The following ZNF469 variants were observed in gnomAD, a reference collection of about 807,000 sequenced individuals.
ZNF469 encodes zinc finger protein 469.
In ZNF469, 1 loss-of-function variant was observed where a neutral mutation model predicts 1.0. That is an observed-to-expected ratio of 1.00 (90% CI 0.35 to 4.73). ZNF469 has a LOEUF of 4.73. Among genes scored for constraint, ZNF469 ranks in the 30% most tolerant of loss-of-function variants. The pLI is 0.16. For missense variants in ZNF469, 6,100 were observed against 5,356.3 expected, an observed-to-expected ratio of 1.14 and a Z score of -4.33; for synonymous variants, 2,703 against 2,363.4, an observed-to-expected ratio of 1.14 and a Z score of -4.17.
At chr16:88,322,051 A>G in the ZNF469 span, among the ~76,000 whole-genome samples, 3 of 152,192 alleles carry the variant, frequency 2.0e-5, no homozygotes, top group Non-Finnish European at 4.4e-5. Flanking sequence ...AGGCCTCACT[A>G]TTGGAAATGG....
chr16:88,270,974 A>G, the ZNF469 span, among the ~76,000 whole-genome samples: 1 of 152,178 alleles, frequency 6.6e-6, no homozygotes, highest in Non-Finnish European at 1.5e-5. Flanking sequence ...CTGAGGATTC[A>G]CGGCCGGTCC....
At chr16:88,311,287 C>T in the ZNF469 span, among the ~76,000 whole-genome samples, 1 of 152,216 alleles carries the variant, frequency 6.6e-6, no homozygotes, top group Admixed American at 6.5e-5. Context: ...TGAGGCCTCA[C>T]TCTTTTTAAA....
chr16:88,432,818 C>T lies in ZNF469; in HGVS notation c.5348C>T (p.Ala1783Val), dbSNP rs1906295537. The T allele has an allele frequency of 6.5e-7, 1 of 1,550,284 alleles. No homozygotes were observed. The highest frequency in any genetic ancestry group is 8.7e-7 in the Non-Finnish European group (1 of 1,146,966). Residue 1783 changes from alanine (A) to valine (V), a missense_variant, in exon 3 of 3, where the codon GCA (alanine) becomes GTA (valine). By Grantham distance (64) the Ala-to-Val change is moderately conservative. Coordinates refer to ENST00000565624, the MANE Select transcript of ZNF469 (RefSeq NM_001367624.2). Reference sequence around the variant, plus strand: ...GGGTTCCTCCCAGAGCCCGGCACAGCAGACCAGCCCCACCGAGGGGCCCCT... The same window carrying T: ...GGGTTCCTCCCAGAGCCCGGCACAGTAGACCAGCCCCACCGAGGGGCCCCT... ...RGGFLPEPGT[A>V]DQPHRGAPAP...
chr16:88,169,098 T>G, the ZNF469 span, among the ~76,000 whole-genome samples: 1 of 151,904 alleles, frequency 6.6e-6, no homozygotes, highest in African/African-American at 2.4e-5. The surrounding 1 kb of genome is among the most constrained non-coding windows in gnomAD (Gnocchi z 6.1). Context: ...CGGAAGTGTG[T>G]GCAGCTGTGG....
At chr16:88,212,358 C>A in the ZNF469 span, among the ~76,000 whole-genome samples, 3 of 152,126 alleles carry the variant, frequency 2.0e-5, no homozygotes, top group Admixed American at 6.6e-5. Flanking sequence ...TGTCTCTTCT[C>A]CTTTCTTCTG....
chr16:88,267,848 T>C, the ZNF469 span, among the ~76,000 whole-genome samples: 1 of 152,158 alleles, frequency 6.6e-6, no homozygotes, highest in African/African-American at 2.4e-5. Flanking sequence ...TTCACTCACA[T>C]AGATTCCTTG....
intron 1 of ZNF469, among the ~76,000 whole-genome samples, chr16:88,420,889 G>A (rs1437455949): frequency 1.3e-5 from 2 of 152,236 alleles, no homozygotes; most frequent in African/African-American, 4.8e-5. Flanking sequence ...TCAAGCCCAG[G>A]TGGGGCTGGC....
the ZNF469 span, among the ~76,000 whole-genome samples, chr16:88,141,857 G>A: frequency 0.56 from 84,664 of 152,028 alleles, 28,064 homozygotes; most frequent in Non-Finnish European, 0.76. Flanking sequence ...TCTTCCCTGC[G>A]CCTCCAGAAG....
chr16:88,135,087 G>T, the ZNF469 span, among the ~76,000 whole-genome samples: 1 of 152,236 alleles, frequency 6.6e-6, no homozygotes, highest in East Asian at 1.9e-4. Context: ...GGCAGAAGGG[G>T]CTCCTGACCA....
chr16:88,208,385 G>A, the ZNF469 span, among the ~76,000 whole-genome samples: 14 of 149,784 alleles, frequency 9.3e-5, no homozygotes, highest in African/African-American at 2.7e-4. Context: ...AAACCAAGAC[G>A]TGGGTGCTAG....
the ZNF469 span, among the ~76,000 whole-genome samples, chr16:88,305,629 C>T: frequency 6.6e-6 from 1 of 152,014 alleles, no homozygotes; most frequent in Non-Finnish European, 1.5e-5. Flanking sequence ...CACGTGCACA[C>T]ACATTCTCAC....
chr16:88,404,379 C>T (rs1400858134), intron 1 of ZNF469, among the ~76,000 whole-genome samples: 1 of 152,224 alleles, frequency 6.6e-6, no homozygotes, highest in Non-Finnish European at 1.5e-5. Flanking sequence ...GCCGGCGGTG[C>T]GTGTGCTGTT....
the ZNF469 span, among the ~76,000 whole-genome samples, chr16:88,146,181 C>T: frequency 2.6e-5 from 4 of 152,296 alleles, no homozygotes; most frequent in Admixed American, 1.3e-4. Context: ...CATGCACCAG[C>T]GGCACCACGA....
chr16:88,275,267 C>A, the ZNF469 span, among the ~76,000 whole-genome samples: 1 of 152,228 alleles, frequency 6.6e-6, no homozygotes, highest in Non-Finnish European at 1.5e-5. Context: ...GGAGGCCGAA[C>A]AGTGGATCCC....
chr16:88,132,425 G>A, the ZNF469 span, among the ~76,000 whole-genome samples: 45 of 152,326 alleles, frequency 3.0e-4, no homozygotes, highest in African/African-American at 1.0e-3. Context: ...CCGCGTAGCC[G>A]GCGGGGCTGG....
At chr16:88,250,435 A>G in the ZNF469 span, among the ~76,000 whole-genome samples, 1 of 152,208 alleles carries the variant, frequency 6.6e-6, no homozygotes, top group Admixed American at 6.5e-5. Context: ...AATATAAAAC[A>G]GTTTGTTTAT....
At chr16:88,410,553 G>A (rs1012842171) in intron 1 of ZNF469, among the ~76,000 whole-genome samples, 6 of 147,900 alleles carry the variant, frequency 4.1e-5, no homozygotes, top group Admixed American at 6.8e-5. Flanking sequence ...CACAGTTCAC[G>A]GTGACGTCTA....
At position 88,438,817 on chromosome 16, in the gene ZNF469, C is replaced by T. The variant is rs1224593401; in HGVS notation, c.11347C>T (p.Arg3783Ter). ...RSPAPERLPA[R>*]AQAKSCTKGP... ...CCCTGCACCAGAGAGGCTCCCCGCT[C>T]GAGCCCAAGCCAAGAGCTGCACCAA... The change falls in exon 3 of 3, where the codon CGA becomes TGA. Residue 3783 changes from arginine to a stop codon, truncating the protein, a stop_gained. Transcript: ENST00000565624. LOFTEE classifies it low-confidence loss of function (END_TRUNC). 26 of 1,550,210 alleles carry T rather than the reference C, an allele frequency of 1.7e-5. No homozygotes were observed. The highest frequency in any genetic ancestry group is 2.4e-5 in the South Asian group (2 of 84,060).
chr16:88,363,879 G>A, the ZNF469 span, among the ~76,000 whole-genome samples: 1 of 152,176 alleles, frequency 6.6e-6, no homozygotes, highest in African/African-American at 2.4e-5. Flanking sequence ...TTACCTGCAT[G>A]CAGGCTGGTC....
Sources: allele counts gnomAD v4.1 joint callset (sites outside exome capture counted in the v4.1 genomes callset), GRCh38; gene constraint gnomAD v4.1.1; non-coding constraint Gnocchi (gnomAD v3.1); transcripts MANE v1.5; gene names NCBI Gene and HGNC (gene_info 2026-07-23, HGNC 2026-07-21).